Variants in LAMA2 observed in about 807,000 individuals in gnomAD.
LAMA2 encodes the protein laminin subunit alpha 2.
In LAMA2, 269 loss-of-function variants were observed where a neutral mutation model predicts 364.8. That is an observed-to-expected ratio of 0.74 (90% CI 0.67 to 0.82). LAMA2 has a LOEUF of 0.82. Among genes scored for constraint, LAMA2 ranks in the 40% least tolerant of loss-of-function variants. The pLI is 0.00. For missense variants in LAMA2, 3,807 were observed against 3,873.2 expected (o/e 0.98, Z 0.45); for synonymous variants, 1,379 against 1,370.6 (o/e 1.01, Z -0.14).
chr6:128,925,667 T>C (rs982741038), intron 1 of LAMA2, among the ~76,000 whole-genome samples: 1 of 152,216 alleles, frequency 6.6e-6, no homozygotes, highest in Non-Finnish European at 1.5e-5. Flanking sequence ...TTTTATGTTA[T>C]GTGTATTTTA....
At chr6:129,400,599 C>T (rs1436340665) in intron 37 of LAMA2, among the ~76,000 whole-genome samples, 1 of 152,058 alleles carries the variant, frequency 6.6e-6, no homozygotes. Context: ...GGAGAAATAG[C>T]AATATTTGTC....
chr6:128,983,517 G>A (rs1479543113), intron 1 of LAMA2, among the ~76,000 whole-genome samples: 3 of 152,134 alleles, frequency 2.0e-5, no homozygotes, highest in Non-Finnish European at 4.4e-5. Flanking sequence ...AGAGTGAATG[G>A]CCACTGTCTT....
chr6:129,441,005 T>A lies in LAMA2; in HGVS notation c.6268+7T>A. 6.2e-7 allele frequency: 1 copy of A among 1,609,152 alleles called. No individual in the cohort carries two copies. The highest frequency in any genetic ancestry group is 8.5e-7 in the Non-Finnish European group (1 of 1,175,644). On this transcript the variant is annotated splice_region_variant and intron_variant, in intron 43 of 64. Coordinates refer to ENST00000421865, the MANE Select transcript of LAMA2 (RefSeq NM_000426.4). ...AAAGATCCTTCCAAGAACAGTAAGATCTCCTTTTTCATTGTGATGATGTCA... is the reference window on the plus strand; with the variant it reads ...AAAGATCCTTCCAAGAACAGTAAGAACTCCTTTTTCATTGTGATGATGTCA...
intron 1 of LAMA2, among the ~76,000 whole-genome samples, chr6:129,035,505 G>GTT (rs1336183288): frequency 7.7e-6 from 1 of 130,090 alleles, no homozygotes; most frequent in Non-Finnish European, 1.6e-5. Context: ...ACGCCGTTTA[G>GTT]TTTAATTAAG....
At chr6:129,088,453 C>T (rs1162414571) in intron 3 of LAMA2, among the ~76,000 whole-genome samples, 1 of 152,084 alleles carries the variant, frequency 6.6e-6, no homozygotes, top group African/African-American at 2.4e-5. Flanking sequence ...GGGCTCCTCA[C>T]TTCCCAGAAG....
chr6:128,943,273 G>C (rs529303565), intron 1 of LAMA2, among the ~76,000 whole-genome samples: 1,581 of 18,292 alleles, frequency 0.086, 23 homozygotes, highest in Middle Eastern at 0.14. Context: ...TATACACAGA[G>C]AGAGAGAGAG....
intron 47 of LAMA2, among the ~76,000 whole-genome samples, 164 bp from the exon 48 acceptor site, chr6:129,456,171 C>G (rs1782954202): frequency 6.6e-6 from 1 of 152,060 alleles, no homozygotes; most frequent in African/African-American, 2.4e-5. Flanking sequence ...GATTCGAGAT[C>G]TAATGAATTT....
At chr6:129,333,522 T>A (rs765681670) in intron 29 of LAMA2, among the ~76,000 whole-genome samples, 6 of 152,158 alleles carry the variant, frequency 3.9e-5, no homozygotes, top group Non-Finnish European at 5.9e-5. Context: ...ATTTAAGAGG[T>A]GATCATATAT....
chr6:129,134,270 A>C (rs1777658789), intron 4 of LAMA2, among the ~76,000 whole-genome samples: 1 of 152,172 alleles, frequency 6.6e-6, no homozygotes, highest in African/African-American at 2.4e-5. Context: ...TTTTGTTATT[A>C]ACATATTTTC....
At chr6:129,302,685 T>C (rs1407717424) in intron 22 of LAMA2, among the ~76,000 whole-genome samples, 1 of 152,100 alleles carries the variant, frequency 6.6e-6, no homozygotes, top group Non-Finnish European at 1.5e-5. Context: ...TTTTTATGGA[T>C]ACCCAATTTT....
intron 60 of LAMA2, among the ~76,000 whole-genome samples, chr6:129,504,639 T>G (rs1016694035): frequency 5.9e-5 from 9 of 152,180 alleles, no homozygotes; most frequent in African/African-American, 1.4e-4. Flanking sequence ...CGCCCTAAAT[T>G]TCAGCCTCAG....
intron 1 of LAMA2, among the ~76,000 whole-genome samples, chr6:128,914,016 G>T (rs78522618): frequency 6.6e-6 from 1 of 152,030 alleles, no homozygotes; most frequent in African/African-American, 2.4e-5. Context: ...TAGAGAAATG[G>T]AGATATAAAA....
At chr6:129,502,189 T>C (rs1278315834) in intron 58 of LAMA2, among the ~76,000 whole-genome samples, 1 of 152,210 alleles carries the variant, frequency 6.6e-6, no homozygotes, top group Non-Finnish European at 1.5e-5. Flanking sequence ...GGAAACCTTC[T>C]AGTGGACTGA....
At chr6:129,006,190 A>G (rs985597358) in intron 1 of LAMA2, among the ~76,000 whole-genome samples, 4 of 152,178 alleles carry the variant, frequency 2.6e-5, no homozygotes, top group African/African-American at 9.6e-5. Context: ...GATCAGCTTA[A>G]GAAATCTCCA....
intron 1 of LAMA2, among the ~76,000 whole-genome samples, chr6:128,910,716 CT>C (rs1043113951): frequency 1.3e-5 from 2 of 152,040 alleles, no homozygotes; most frequent in African/African-American, 4.8e-5. Flanking sequence ...AGGCGCTCTG[CT>C]TTTTAGAGTT....
chr6:129,078,392 C>T (rs1773802326), intron 3 of LAMA2, among the ~76,000 whole-genome samples: 1 of 152,166 alleles, frequency 6.6e-6, no homozygotes, highest in South Asian at 2.1e-4. Flanking sequence ...ATGTCAGCCT[C>T]CCAAAGTGCT....
rs77526545 is a variant in LAMA2, at chr6:129,049,997, A to C, written c.192A>C (p.Glu64Asp). The C allele has an allele frequency of 6.2e-7, 1 of 1,614,056 alleles. No homozygotes were observed. Among genetic ancestry groups the C allele is most frequent in the African/African-American group, 1.3e-5 (1 of 75,040 alleles). Residue 64 changes from glutamate (E) to aspartate (D), a missense_variant, in exon 2 of 65, where the codon GAA (glutamate) becomes GAC (aspartate). Physicochemically the swap from Glu to Asp is conservative, Grantham distance 45. This residue lies in a region of LAMA2 where 394 missense variants were observed against 403.5 expected (regional missense o/e 0.98). Coordinates refer to ENST00000421865, the MANE Select transcript of LAMA2 (RefSeq NM_000426.4). ...CAACATGTGGAGAAAAAGGACCTGA[A>C]ATGTACTGCAAATTGGTAGAACATG... ...TNATCGEKGPEMYCKLVEHVP... is the reference protein window; with the variant it reads ...TNATCGEKGPDMYCKLVEHVP...
At chr6:129,159,676 TG>T (rs1236696417) in intron 8 of LAMA2, among the ~76,000 whole-genome samples, 1 of 152,240 alleles carries the variant, frequency 6.6e-6, no homozygotes, top group African/African-American at 2.4e-5. Flanking sequence ...ATCTTCACTT[TG>T]TTCTGAATTT....
chr6:129,127,106 A>AT (rs1218092737), intron 4 of LAMA2, among the ~76,000 whole-genome samples: 3 of 152,214 alleles, frequency 2.0e-5, no homozygotes, highest in Non-Finnish European at 4.4e-5. Context: ...AATTTAGAAT[A>AT]TGGGTCCTCA....
Sources: allele counts gnomAD v4.1 joint callset (sites outside exome capture counted in the v4.1 genomes callset), GRCh38; gene constraint gnomAD v4.1.1; regional missense constraint gnomAD v4.1.1; transcripts MANE v1.5; gene names NCBI Gene and HGNC (gene_info 2026-07-23, HGNC 2026-07-21).